The following RAPGEF2 variants were observed in gnomAD, a reference collection of about 807,000 sequenced individuals.
RAPGEF2 encodes the protein Rap guanine nucleotide exchange factor 2, also known as PDZ domain containing guanine nucleotide exchange factor (GEF) 1.
A neutral mutation model predicts 186.7 loss-of-function variants in RAPGEF2; 54 were observed. That is an observed-to-expected ratio of 0.29 (90% CI 0.23 to 0.36). The LOEUF (loss-of-function observed/expected upper bound fraction) is 0.36. Among genes scored for constraint, RAPGEF2 ranks in the 10% least tolerant of loss-of-function variants. The pLI is 1.00. For synonymous variants in RAPGEF2, 712 were observed against 705.9 expected (o/e 1.01, Z -0.14); for missense variants, 1,532 against 2,045.0 (o/e 0.75, Z 4.84).
chr4:159,262,184 G>C (rs1756952107), intron 7 of RAPGEF2, among the ~76,000 whole-genome samples: 3 of 152,138 alleles, frequency 2.0e-5, no homozygotes, highest in Admixed American at 1.3e-4. Context: ...GTCTGTTGTT[G>C]ACAATATCAG....
intron 29 of RAPGEF2, 87 bp downstream of exon 29, chr4:159,356,245 T>G (rs1731989226): frequency 4.5e-6 from 6 of 1,327,686 alleles, no homozygotes; most frequent in Non-Finnish European, 6.2e-6. Context: ...CTCTTAACAC[T>G]GCAGTCAGCT....
chr4:159,130,095 C>G (rs1304066540), intron 1 of RAPGEF2, among the ~76,000 whole-genome samples: 1 of 152,090 alleles, frequency 6.6e-6, no homozygotes, highest in Non-Finnish European at 1.5e-5. Context: ...TGTCATGGCG[C>G]TAGTGGGAGT....
intron 7 of RAPGEF2, among the ~76,000 whole-genome samples, chr4:159,259,934 G>A (rs1211513586): frequency 6.6e-6 from 1 of 151,846 alleles, no homozygotes; most frequent in African/African-American, 2.4e-5. Flanking sequence ...AATTTTTAAG[G>A]ATGTTAAGAA....
At chr4:159,282,948 TA>T (rs530618199) in intron 7 of RAPGEF2, among the ~76,000 whole-genome samples, 39 of 152,124 alleles carry the variant, frequency 2.6e-4, no homozygotes, top group African/African-American at 3.4e-4. Flanking sequence ...CTGTATCTGT[TA>T]AAAAAAATGC....
chr4:159,170,181 A>ATACC (rs1325953600), intron 1 of RAPGEF2, among the ~76,000 whole-genome samples: 2 of 151,298 alleles, frequency 1.3e-5, no homozygotes, highest in African/African-American at 4.9e-5. Context: ...ATTTTTTCAT[A>ATACC]TACCTGTTGG....
rs1468221939 is a variant in RAPGEF2, at chr4:159,314,693, G to T, written c.778G>T (p.Asp260Tyr). 6.2e-7 allele frequency: 1 copy of T among 1,613,950 alleles called. No individual in the cohort carries two copies. The highest frequency in any genetic ancestry group is 1.7e-5 in the Admixed American group (1 of 59,998). ...DDEEDIERASDPLMSRDIVRD... is the reference protein window; with the variant it reads ...DDEEDIERASYPLMSRDIVRD... ...TGAAGAAGACATTGAGAGAGCATCAGATCCTCTGATGAGCAGGGACATTGT... is the reference window on the plus strand; with the variant it reads ...TGAAGAAGACATTGAGAGAGCATCATATCCTCTGATGAGCAGGGACATTGT... The change falls in exon 9 of 30, where the codon GAT (aspartate) becomes TAT (tyrosine). Residue 260 changes from aspartate to tyrosine, a missense_variant. Around this residue, in one of 4 missense-constraint regions of RAPGEF2, gnomAD observed 810 missense variants for 1,210.5 expected, o/e 0.67. Transcript: ENST00000691494.
At chr4:159,345,742 C>T (rs1730203581) in intron 24 of RAPGEF2, among the ~76,000 whole-genome samples, 2 of 152,156 alleles carry the variant, frequency 1.3e-5, no homozygotes, top group Admixed American at 1.3e-4. Flanking sequence ...ACCACTAGCC[C>T]AGACAACACC....
intron 1 of RAPGEF2, among the ~76,000 whole-genome samples, chr4:159,175,045 TTAATA>T (rs1305871448): frequency 6.6e-6 from 1 of 152,196 alleles, no homozygotes; most frequent in Non-Finnish European, 1.5e-5. Context: ...TACATATGTC[TTAATA>T]AAGTTTAAGC....
At chr4:159,200,519 CTATAGAA>C (rs1381440189) in intron 3 of RAPGEF2, among the ~76,000 whole-genome samples, 1 of 151,914 alleles carries the variant, frequency 6.6e-6, no homozygotes, top group Non-Finnish European at 1.5e-5. Context: ...ATTAATGAGC[CTATAGAA>C]TATCTGGCTT....
intron 1 of RAPGEF2, among the ~76,000 whole-genome samples, chr4:159,179,979 A>T (rs1338675240): frequency 6.6e-6 from 1 of 152,208 alleles, no homozygotes; most frequent in Non-Finnish European, 1.5e-5. Flanking sequence ...TTCTTAGACC[A>T]GGGCATAGTG....
intron 7 of RAPGEF2, among the ~76,000 whole-genome samples, chr4:159,295,747 G>T (rs999624752): frequency 9.2e-5 from 11 of 119,594 alleles, no homozygotes; most frequent in African/African-American, 2.6e-4. Flanking sequence ...GTGTGTGTGT[G>T]TGTGTGTGCG....
intron 1 of RAPGEF2, among the ~76,000 whole-genome samples, chr4:159,166,042 C>T (rs759982009): frequency 5.6e-4 from 85 of 151,984 alleles, no homozygotes; most frequent in Non-Finnish European, 8.5e-4. Flanking sequence ...GAAAAGGGGC[C>T]GGGAGCATTG....
intron 1 of RAPGEF2, among the ~76,000 whole-genome samples, chr4:159,169,045 A>T (rs946741741): frequency 6.6e-6 from 1 of 152,220 alleles, no homozygotes; most frequent in African/African-American, 2.4e-5. Flanking sequence ...GGACCAGAGT[A>T]TATTGTACCA....
chr4:159,345,802 A>G (rs1730212672), intron 24 of RAPGEF2, among the ~76,000 whole-genome samples: 1 of 152,082 alleles, frequency 6.6e-6, no homozygotes, highest in Non-Finnish European at 1.5e-5. Flanking sequence ...TCTGCTCCAC[A>G]GTGAACCACA....
intron 7 of RAPGEF2, among the ~76,000 whole-genome samples, chr4:159,279,486 A>G (rs1007282249): frequency 3.3e-5 from 5 of 152,182 alleles, no homozygotes; most frequent in Non-Finnish European, 5.9e-5. Flanking sequence ...GTAAGTTTCA[A>G]AGGGCTTTCA....
At chr4:159,293,492 C>T (rs377173559) in intron 7 of RAPGEF2, among the ~76,000 whole-genome samples, 24 of 152,234 alleles carry the variant, frequency 1.6e-4, no homozygotes, top group East Asian at 7.7e-4. Flanking sequence ...AATGAACTGT[C>T]GTGTTTATTT....
intron 1 of RAPGEF2, among the ~76,000 whole-genome samples, chr4:159,111,537 A>G (rs558063250): frequency 6.6e-6 from 1 of 152,332 alleles, no homozygotes; most frequent in Non-Finnish European, 1.5e-5. Context: ...CCAACATAAA[A>G]ACGGAGAAGA....
chr4:159,219,431 C>G (rs985579967), intron 4 of RAPGEF2, among the ~76,000 whole-genome samples: 3 of 142,180 alleles, frequency 2.1e-5, no homozygotes, highest in African/African-American at 5.3e-5. Flanking sequence ...TCTGGGCTCA[C>G]TGCAAGCCCC....
rs79764938 is a variant in RAPGEF2, at chr4:159,264,802, G to A, written c.543+21011G>A. 7.0e-3 allele frequency among the ~76,000 whole-genome samples: 1,067 copies of A among 152,090 alleles called. 12 individuals carry two copies. Among genetic ancestry groups the A allele is most frequent in the African/African-American group, 0.024 (1,010 of 41,496 alleles). On this transcript the variant is annotated intron_variant, in intron 7 of 29. Transcript: ENST00000691494. Reference sequence around the variant, plus strand: ...ACCCTCCATTCTACTTTGTGCCTACGTGAATTTGACTATTTGACTACTCTG... The same window carrying A: ...ACCCTCCATTCTACTTTGTGCCTACATGAATTTGACTATTTGACTACTCTG...
Sources: allele counts gnomAD v4.1 joint callset (sites outside exome capture counted in the v4.1 genomes callset), GRCh38; gene constraint gnomAD v4.1.1; regional missense constraint gnomAD v4.1.1; transcripts MANE v1.5; gene names NCBI Gene and HGNC (gene_info 2026-07-23, HGNC 2026-07-21).